Variants in TNXB observed in about 807,000 individuals in gnomAD.
TNXB encodes tenascin XB.
A neutral mutation model predicts 340.5 loss-of-function variants in TNXB; 183 were observed. The observed-to-expected ratio is 0.54, with a 90% CI of 0.48 to 0.61. The LOEUF (loss-of-function observed/expected upper bound fraction) is 0.61. Ranked by LOEUF, TNXB falls within the 20% of genes least tolerant of loss-of-function variation. The pLI, the probability that TNXB is intolerant of heterozygous loss-of-function variation, is 0.00. For synonymous variants in TNXB, 2,121 were observed against 2,314.5 expected (o/e 0.92, Z 2.40); for missense variants, 4,613 against 5,446.4 (o/e 0.85, Z 4.82).
chr6:32,065,149 T>C (rs758864319), intron 18 of TNXB, 32 bp from the exon 19 acceptor site: 3 of 1,505,688 alleles, frequency 2.0e-6, no homozygotes, highest in East Asian at 2.4e-5. Context: ...ATCTTTTCTC[T>C]TGCTGCAAGG....
At position 32,097,106 on chromosome 6, in the gene TNXB, G is replaced by A. The variant is rs779700677; in HGVS notation, c.747C>T (p.Cys249=). 1 of 1,612,536 alleles carries A rather than the reference G, an allele frequency of 6.2e-7. No homozygotes were observed. The highest frequency in any genetic ancestry group is 8.5e-7 in the Non-Finnish European group (1 of 1,179,406). Residue 249 remains cysteine (C), a synonymous_variant, in exon 3 of 44, where the codon TGC becomes TGT. Coordinates refer to ENST00000644971, the MANE Select transcript of TNXB (RefSeq NM_001365276.2). The surrounding 1 kb of genome is among the most constrained non-coding windows in gnomAD (Gnocchi z 5.9). ...GTCCCCTCTGGCTGCAACCTCGAGG[G>A]CAGGAGCGCTGGCTGCAGTCGGGGC... is the stretch of plus-strand genomic sequence containing the variant. ...FSGPDCSQRS[C]PRGCSQRGRC...
At position 32,044,609 on chromosome 6, in the gene TNXB, G is replaced by C; in HGVS notation, c.11035C>G (p.Pro3679Ala). 2.3e-6 allele frequency: 1 copy of C among 431,676 alleles called. No homozygotes were observed. Among genetic ancestry groups the C allele is most frequent in the Non-Finnish European group, 3.9e-6 (1 of 257,146 alleles). 26.7% of individuals were successfully genotyped at this position (431,676 alleles called of 1,614,324 possible). Residue 3679 changes from proline to alanine, a missense_variant, in exon 33 of 44, where the codon CCG (proline) becomes GCG (alanine). Coordinates refer to ENST00000644971, the MANE Select transcript of TNXB (RefSeq NM_001365276.2). ...AGCAGGAAGGAGTCGAAGGCCCCCG[G>C]TGGGGCCTCCCAGTTGAGCCTCAGT... ...SSLRLNWEAP[P>A]GAFDSFLLRF...
At chr6:32,092,100 T>C (rs984262521) in intron 4 of TNXB, among the ~76,000 whole-genome samples, 2 of 152,190 alleles carry the variant, frequency 1.3e-5, no homozygotes, top group Non-Finnish European at 2.9e-5. Flanking sequence ...AATAGCAACA[T>C]TCCTTCACTT....
At position 32,070,471 on chromosome 6, in the gene TNXB, C is replaced by T. The variant is rs1023186587; in HGVS notation, c.4991-57G>A. 2 of 1,477,112 alleles carry T rather than the reference C, an allele frequency of 1.4e-6. No individual in the cohort carries two copies. The allele number at this position is 1,477,112 out of a possible 1,614,324, so 91.5% of individuals were successfully genotyped here. A position where few individuals can be genotyped will look rare whatever the true frequency, so the allele number is the denominator to read the frequency against. On this transcript the variant is annotated intron_variant, in intron 13 of 43. Transcript: ENST00000644971. This position sits in a 1 kb window ranked among gnomAD's most constrained non-coding sequence, Gnocchi z 6.0. ...TCCAAAACGACTCCTTGACTGCCTC[C>T]CTCTGGGGCTGGAAAAACCCAGAAC...
chr6:32,081,299 G>A lies in TNXB; in HGVS notation c.4042+69C>T. The A allele has an allele frequency of 7.0e-7, 1 of 1,419,964 alleles. No individual in the cohort carries two copies. Among genetic ancestry groups the A allele is most frequent in the Non-Finnish European group, 9.5e-7 (1 of 1,053,490 alleles). The allele number at this position is 1,419,964 out of a possible 1,614,324, so 88.0% of individuals were successfully genotyped here. A position where few individuals can be genotyped will look rare whatever the true frequency, so the allele number is the denominator to read the frequency against. On this transcript the variant is annotated intron_variant, in intron 10 of 43. Transcript: ENST00000644971. This position sits in a 1 kb window ranked among gnomAD's most constrained non-coding sequence, Gnocchi z 5.1. The stretch of plus-strand genomic sequence containing the variant: ...GGCGAAGATGGAGGGAGGCTGGAAG[G>A]AGCCCCAGCCAAGTCCCGCTCACAG...
At chr6:32,060,182 A>G (rs1338508204) in intron 21 of TNXB, among the ~76,000 whole-genome samples, 1 of 151,786 alleles carries the variant, frequency 6.6e-6, no homozygotes, top group Non-Finnish European at 1.5e-5. Flanking sequence ...AAAATACAAA[A>G]TTAGCCAGAT....
chr6:32,090,712 T>G lies in TNXB; in HGVS notation c.2359-1333A>C, dbSNP rs1440672233. Among the ~76,000 whole-genome samples the G allele has an allele frequency of 6.6e-6, 1 of 152,204 alleles. No individual in the cohort carries two copies. Among genetic ancestry groups the G allele is most frequent in the African/African-American group, 2.4e-5 (1 of 41,440 alleles). On this transcript the variant is annotated intron_variant, in intron 4 of 43. Transcript: ENST00000644971. The surrounding 1 kb of genome is among the most constrained non-coding windows in gnomAD (Gnocchi z 4.3). ...AGTTTTCTGGGTTGAAAAGTTTTCC[T>G]GGGCACATAGGACCTCCAGCCCTCT...
At chr6:32,071,582 T>TC (rs1778775615) in intron 13 of TNXB, among the ~76,000 whole-genome samples, 1 of 150,816 alleles carries the variant, frequency 6.6e-6, no homozygotes, top group African/African-American at 2.4e-5. Flanking sequence ...TTCTTTCTTT[T>TC]TTTTTTTTTT....
intron 1 of TNXB, 27 bp from the exon 2 acceptor site, chr6:32,098,233 A>G: frequency 3.4e-6 from 5 of 1,458,084 alleles, no homozygotes; most frequent in Non-Finnish European, 2.7e-6. Context: ...TAGGTATGAG[A>G]GCAGCTTCAA....
Position 32,042,102 on chromosome 6 carries a change from C to T in TNXB, c.12379G>A (p.Glu4127Lys), listed in dbSNP as rs376281266. The T allele has an allele frequency of 6.6e-5, 38 of 575,710 alleles. No homozygotes were observed. Among genetic ancestry groups the T allele is most frequent in the South Asian group, 1.5e-4 (8 of 55,138 alleles). 35.7% of individuals were successfully genotyped at this position (575,710 alleles called of 1,614,324 possible). Reference protein sequence around the residue: ...SMRVDLRAGDEAVFAQYDSFH... With the variant: ...SMRVDLRAGDKAVFAQYDSFH... ...GAGTCGTACTGGGCGAACACAGCCT[C>T]GTCCCCAGCCCGCAGGTCCACGCGC... Residue 4127 changes from glutamate to lysine, a missense_variant, in exon 42 of 44, where the codon GAG becomes AAG. Transcript: ENST00000644971.
rs375530442 is a variant in TNXB, at chr6:32,088,869, T to C, written c.2695A>G (p.Met899Val). 7 of 1,584,758 alleles carry C rather than the reference T, an allele frequency of 4.4e-6. No individual in the cohort carries two copies. Among genetic ancestry groups the C allele is most frequent in the Non-Finnish European group, 6.0e-6 (7 of 1,165,626 alleles). The change falls in exon 6 of 44, where the codon ATG (methionine) becomes GTG (valine). Residue 899 changes from methionine to valine, a missense_variant. Physicochemically the swap from Met to Val is conservative, Grantham distance 21 (BLOSUM62 1). Coordinates refer to ENST00000644971, the MANE Select transcript of TNXB (RefSeq NM_001365276.2). ...EADGTLLTDL[M>V]PGVEYVVTVT... ...GTCACCACATATTCTACGCCTGGCA[T>C]CAGGTCAGTCAGCAGCGTCCCGTCT... is the stretch of plus-strand genomic sequence containing the variant.
In TNXB at chr6:32,061,430, G is replaced by C. The variant is rs747880757; in HGVS notation, c.7459C>G (p.Arg2487Gly). 2 of 1,612,532 alleles carry C rather than the reference G, an allele frequency of 1.2e-6. No homozygotes were observed. The highest frequency in any genetic ancestry group is 1.7e-6 in the Non-Finnish European group (2 of 1,179,510). Residue 2487 changes from arginine (R) to glycine (G), a missense_variant, in exon 21 of 44, where the codon CGC becomes GGC. This residue lies in a region of TNXB where 4,327 missense variants were observed against 4,859.4 expected (regional missense o/e 0.89). Transcript: ENST00000644971. The surrounding 1 kb of genome is among the most constrained non-coding windows in gnomAD (Gnocchi z 4.4). Reference sequence around the variant, plus strand: ...CCCACGGTGGACACCGGGCCCACGCGCCGCCCCTCGTGGAGGCCATACAGG... The same window carrying C: ...CCCACGGTGGACACCGGGCCCACGCCCCGCCCCTCGTGGAGGCCATACAGG... ...MHLYGLHEGR[R>G]VGPVSTVGVT... is the part of the protein sequence containing the mutation.
At position 32,081,338 on chromosome 6, in the gene TNXB, G is replaced by A. The variant is rs766479138; in HGVS notation, c.4042+30C>T. 1.5e-5 allele frequency: 22 copies of A among 1,517,158 alleles called. No individual in the cohort carries two copies. The highest frequency in any genetic ancestry group is 1.5e-5 in the Non-Finnish European group (17 of 1,124,546). The allele number at this position is 1,517,158 out of a possible 1,614,324, so 94.0% of individuals were successfully genotyped here. ...TCCCGCTCACAGGATGGGGCTAGCAGGGGAGGGAGGCCTGGCAGCCATGAC... is the reference window on the plus strand; with the variant it reads ...TCCCGCTCACAGGATGGGGCTAGCAAGGGAGGGAGGCCTGGCAGCCATGAC... On this transcript the variant is annotated intron_variant, in intron 10 of 43. Coordinates refer to ENST00000644971, the MANE Select transcript of TNXB (RefSeq NM_001365276.2). The surrounding 1 kb of genome is among the most constrained non-coding windows in gnomAD (Gnocchi z 5.1).
In TNXB at chr6:32,051,402, G is replaced by A. The variant is rs1024181375; in HGVS notation, c.9116-1081C>T. On this transcript the variant is annotated intron_variant, in intron 26 of 43. Transcript: ENST00000644971. The surrounding 1 kb of genome is among the most constrained non-coding windows in gnomAD (Gnocchi z 4.7). The stretch of plus-strand genomic sequence containing the variant: ...GGATTCATGAATGCAAGAAAAATTC[G>A]CTTCAACAAATTCTAAGAGAGTTTC... Among the ~76,000 whole-genome samples the A allele has an allele frequency of 5.3e-5, 8 of 152,182 alleles. No individual in the cohort carries two copies. The highest frequency in any genetic ancestry group is 3.8e-4 in the East Asian group (2 of 5,196).
rs771153840 is a variant in TNXB, at chr6:32,061,650, G to C, written c.7239C>G (p.Leu2413=). 6 of 1,612,612 alleles carry C rather than the reference G, an allele frequency of 3.7e-6. No individual in the cohort carries two copies. Among genetic ancestry groups the C allele is most frequent in the Admixed American group, 1.7e-5 (1 of 59,996 alleles). ...MEAPEPPEEP[L]LGELTVTGSS... is the part of the protein sequence containing the mutation. ...ATCCTGTCACTGTTAGCTCCCCCAG[G>C]AGCGGCTCCTCAGGGGGCTCCGGGG... is the stretch of plus-strand genomic sequence containing the variant. The change falls in exon 21 of 44, where the codon CTC becomes CTG. Residue 2413 remains leucine, a synonymous_variant. Transcript: ENST00000644971. The surrounding 1 kb of genome is among the most constrained non-coding windows in gnomAD (Gnocchi z 4.4).
intron 21 of TNXB, among the ~76,000 whole-genome samples, chr6:32,059,738 G>A (rs2151905428): frequency 6.6e-6 from 1 of 152,146 alleles, no homozygotes; most frequent in African/African-American, 2.4e-5. Context: ...TCTCCCCCAG[G>A]AATCGGGGAT....
chr6:32,096,021 T>A lies in TNXB; in HGVS notation c.1832A>T (p.Tyr611Phe), dbSNP rs1319846051. 5 of 1,612,968 alleles carry A rather than the reference T, an allele frequency of 3.1e-6. No homozygotes were observed. The highest frequency in any genetic ancestry group is 1.3e-5 in the African/African-American group (1 of 74,922). ...GCGGATGCTGCAGTCCTCACTCACG[T>A]AGCCTTCCCAACAGATGCACACACC... ...QDGVCICWEGYVSEDCSIRTC... is the reference protein window; with the variant it reads ...QDGVCICWEGFVSEDCSIRTC... The change falls in exon 3 of 44, where the codon TAC becomes TTC. Residue 611 changes from tyrosine (Y) to phenylalanine (F), a missense_variant. Physicochemically the swap from Tyr to Phe is conservative, Grantham distance 22. Coordinates refer to ENST00000644971, the MANE Select transcript of TNXB (RefSeq NM_001365276.2).
Position 32,084,155 on chromosome 6 carries a change from G to A in TNXB, c.3445+258C>T, listed in dbSNP as rs1648525865. Among the ~76,000 whole-genome samples the A allele has an allele frequency of 6.6e-6, 1 of 152,104 alleles. No individual in the cohort carries two copies. Among genetic ancestry groups the A allele is most frequent in the Non-Finnish European group, 1.5e-5 (1 of 68,016 alleles). ...CCCTTTGGCACCCCCCACATGCCCT[G>A]TTCTCCAGCCAGAGGAAACTGTAAC... On this transcript the variant is annotated intron_variant, in intron 8 of 43. Coordinates refer to ENST00000644971, the MANE Select transcript of TNXB (RefSeq NM_001365276.2). This position sits in a 1 kb window ranked among gnomAD's most constrained non-coding sequence, Gnocchi z 5.5.
chr6:32,046,599 GCTCCCGCCATGCCCCACAGGAAT>G lies in TNXB; in HGVS notation c.10325-166_10325-144del. 1 of 663,080 alleles carries G rather than the reference GCTCCCGCCATGCCCCACAGGAAT, an allele frequency of 1.5e-6. No individual in the cohort carries two copies. Among genetic ancestry groups the G allele is most frequent in the African/African-American group, 1.8e-5 (1 of 55,744 alleles). 41.1% of individuals were successfully genotyped at this position (663,080 alleles called of 1,614,324 possible). On this transcript the variant is annotated intron_variant, in intron 30 of 43. Transcript: ENST00000644971. This position sits in a 1 kb window ranked among gnomAD's most constrained non-coding sequence, Gnocchi z 6.9. Reference sequence around the variant, plus strand: ...GCTCCTTGAGGAGACACACAGGCCTGCTCCCGCCATGCCCCACAGGAATGAGGGAGAACAGCCCCCTCCTCCTC... The same window carrying G: ...GCTCCTTGAGGAGACACACAGGCCTGGAGGGAGAACAGCCCCCTCCTCCTC...
Sources: gnomAD v4.1 joint callset for allele counts (sites outside exome capture counted in the v4.1 genomes callset) on GRCh38, gnomAD v4.1.1 for gene constraint, gnomAD v4.1.1 regional missense constraint, Gnocchi (gnomAD v3.1) non-coding constraint, MANE v1.5 for transcripts, NCBI Gene and HGNC (gene_info 2026-07-23, HGNC 2026-07-21) for gene names.